Variants in AFAP1 observed in about 807,000 individuals in gnomAD.
The protein encoded by AFAP1 is actin filament associated protein 1.
AFAP1 carries 75 observed loss-of-function variants against 93.9 expected under a neutral mutation model. The observed-to-expected ratio is 0.80, with a 90% CI of 0.66 to 0.97. The LOEUF (loss-of-function observed/expected upper bound fraction) is 0.97. AFAP1 is among the 50% of genes least tolerant of loss of function. AFAP1 has a pLI of 0.00. For missense variants in AFAP1, 1,201 were observed against 1,050.8 expected (o/e 1.14, Z -1.98); for synonymous variants, 517 against 430.7 (o/e 1.20, Z -2.48).
At chr4:7,833,246 A>C (rs1183234870) in intron 6 of AFAP1, among the ~76,000 whole-genome samples, 1 of 152,216 alleles carries the variant, frequency 6.6e-6, no homozygotes, top group Non-Finnish European at 1.5e-5. Flanking sequence ...TTCACAATCT[A>C]TATATCCCAC....
rs906682281 is a variant in AFAP1, at chr4:7,771,380, T to C, written c.2253+1440A>G. Among the ~76,000 whole-genome samples the C allele has an allele frequency of 5.9e-5, 9 of 152,232 alleles. No individual in the cohort carries two copies. In the East Asian group the frequency reaches 1.7e-3, roughly 29 times the overall value. ...CACACACACACCTTTACATATTAAA[T>C]AGTATGTATCGTATAAATATATAAT... is the stretch of plus-strand genomic sequence containing the variant. On this transcript the variant is annotated intron_variant, in intron 16 of 17. Coordinates refer to ENST00000420658, the MANE Select transcript of AFAP1 (RefSeq NM_001134647.2).
Position 7,779,344 on chromosome 4 carries a change from C to A in AFAP1, c.1783-468G>T, listed in dbSNP as rs73084405. Among the ~76,000 whole-genome samples the A allele has an allele frequency of 8.4e-4, 128 of 152,314 alleles. 1 individual carries two copies. Among genetic ancestry groups the A allele is most frequent in the African/African-American group, 2.9e-3 (122 of 41,572 alleles). On this transcript the variant is annotated intron_variant, in intron 13 of 17. Coordinates refer to ENST00000420658, the MANE Select transcript of AFAP1 (RefSeq NM_001134647.2). ...GTGACATCCTACTGGGATAAGTGAC[C>A]GCCTTCTTATCGCCGACGGAGTCCG... is the stretch of plus-strand genomic sequence containing the variant.
chr4:7,783,867 C>CT (rs1717015187), intron 12 of AFAP1, among the ~76,000 whole-genome samples: 1 of 152,144 alleles, frequency 6.6e-6, no homozygotes, highest in Non-Finnish European at 1.5e-5. Flanking sequence ...GTGAAAGGGT[C>CT]TTTGGGGGGG....
chr4:7,778,939 T>G (rs947040908), intron 13 of AFAP1, 63 bp from the exon 14 acceptor site: 9 of 1,284,158 alleles, frequency 7.0e-6, no homozygotes, highest in Non-Finnish European at 8.7e-6. Flanking sequence ...TCTTGGTCTT[T>G]TTTTTTTCTG....
At chr4:7,831,296 G>C (rs532807905) in intron 6 of AFAP1, among the ~76,000 whole-genome samples, 64 of 149,860 alleles carry the variant, frequency 4.3e-4, no homozygotes, top group Non-Finnish European at 8.1e-4. Flanking sequence ...TAACATCACA[G>C]ACATGAAAAA....
chr4:7,909,138 T>C (rs1719587313), intron 1 of AFAP1, among the ~76,000 whole-genome samples: 1 of 152,228 alleles, frequency 6.6e-6, no homozygotes, highest in South Asian at 2.1e-4. Flanking sequence ...AATATGATGA[T>C]GGTGGTGTCA....
Position 7,762,179 on chromosome 4 carries a change from T to C in AFAP1, c.*1586A>G, listed in dbSNP as rs1003510834. 3 of 152,256 alleles carry C rather than the reference T, an allele frequency of 2.0e-5. No homozygotes were observed. The highest frequency in any genetic ancestry group is 6.5e-5 in the Admixed American group (1 of 15,292). 9.4% of individuals were successfully genotyped at this position (152,256 alleles called of 1,614,324 possible). ...TTGCAGGCCTCAAGCGCCACCACCT[T>C]AAACATGAATCCTAACTGTAAAGTC... On this transcript the variant is annotated 3_prime_UTR_variant, in exon 18 of 18. Transcript: ENST00000420658.
At chr4:7,819,630 A>G (rs773285766) in intron 6 of AFAP1, among the ~76,000 whole-genome samples, 7 of 152,234 alleles carry the variant, frequency 4.6e-5, no homozygotes, top group Non-Finnish European at 7.3e-5. Flanking sequence ...CAGCAGGAAC[A>G]GCTGGTGAAA....
At chr4:7,810,791 G>A (rs1304821535) in intron 8 of AFAP1, among the ~76,000 whole-genome samples, 2 of 152,180 alleles carry the variant, frequency 1.3e-5, no homozygotes, top group Non-Finnish European at 2.9e-5. Flanking sequence ...CCATGCAGAC[G>A]GGCCGGTGAG....
chr4:7,781,563 T>C lies in AFAP1; in HGVS notation c.1595A>G (p.Asp532Gly), dbSNP rs1384043702. 4 of 1,551,826 alleles carry C rather than the reference T, an allele frequency of 2.6e-6. No individual in the cohort carries two copies. The highest frequency in any genetic ancestry group is 2.6e-6 in the Non-Finnish European group (3 of 1,147,058). The change falls in exon 13 of 18, where the codon GAT (aspartate) becomes GGT (glycine). Residue 532 changes from aspartate to glycine, a missense_variant. Coordinates refer to ENST00000420658, the MANE Select transcript of AFAP1 (RefSeq NM_001134647.2). ...SRGLGEEVLY[D>G]NAGLYDNLPP... is the part of the protein sequence containing the mutation. Reference sequence around the variant, plus strand: ...CAAGTTATCGTACAGGCCTGCGTTATCATAAAGCACCTCTTCTCCCAAGCC... The same window carrying C: ...CAAGTTATCGTACAGGCCTGCGTTACCATAAAGCACCTCTTCTCCCAAGCC...
chr4:7,799,318 T>G, intron 10 of AFAP1, among the ~76,000 whole-genome samples: 1 of 149,748 alleles, frequency 6.7e-6, no homozygotes, highest in East Asian at 2.3e-4. Context: ...GTTCATCTAT[T>G]TTTCATCCCC....
intron 1 of AFAP1, among the ~76,000 whole-genome samples, chr4:7,884,777 G>T (rs1378227473): frequency 1.3e-5 from 2 of 152,180 alleles, no homozygotes; most frequent in African/African-American, 2.4e-5. Flanking sequence ...TGTGGAAAAA[G>T]ATTTTCTAAT....
chr4:7,857,745 T>C (rs1170326331), intron 3 of AFAP1, among the ~76,000 whole-genome samples: 1 of 152,188 alleles, frequency 6.6e-6, no homozygotes, highest in Non-Finnish European at 1.5e-5. Context: ...TTTAGCATGG[T>C]CAAACAAACT....
rs376668262 is a variant in AFAP1, at chr4:7,774,804, C to T, written c.1997G>A (p.Arg666Gln). The T allele has an allele frequency of 2.4e-5, 39 of 1,614,074 alleles. No individual in the cohort carries two copies. Among genetic ancestry groups the T allele is most frequent in the South Asian group, 2.2e-5 (2 of 91,084 alleles). The change falls in exon 15 of 18, where the codon CGG becomes CAG. Residue 666 changes from arginine (R) to glutamine (Q), a missense_variant. Physicochemically the swap from Arg to Gln is conservative, Grantham distance 43. Coordinates refer to ENST00000420658, the MANE Select transcript of AFAP1 (RefSeq NM_001134647.2). ...EELLKRKEALRNRLAQLRKER... is the reference protein window; with the variant it reads ...EELLKRKEALQNRLAQLRKER... ...CTTGCGGAGCTGGGCCAGCCTATTC[C>T]GCAGGGCCTCTTTCCTCTTCAGCAG... is the stretch of plus-strand genomic sequence containing the variant.
At chr4:7,879,425 G>A (rs757841624) in intron 1 of AFAP1, among the ~76,000 whole-genome samples, 7 of 152,002 alleles carry the variant, frequency 4.6e-5, no homozygotes, top group Admixed American at 2.6e-4. Context: ...CCCCAGCCCC[G>A]ACACCTGCTG....
At chr4:7,928,614 C>G (rs1429437982) in intron 1 of AFAP1, among the ~76,000 whole-genome samples, 3 of 152,200 alleles carry the variant, frequency 2.0e-5, no homozygotes, top group Non-Finnish European at 1.5e-5. Flanking sequence ...TCTCAAACTC[C>G]TGACCTCATG....
chr4:7,766,752 T>C lies in AFAP1; in HGVS notation c.2418+2092A>G, dbSNP rs745957007. Among the ~76,000 whole-genome samples, 144 of 152,050 alleles carry C rather than the reference T, an allele frequency of 9.5e-4. 4 individuals are homozygous for C. Among genetic ancestry groups the C allele is most frequent in the Non-Finnish European group, 3.7e-4 (25 of 68,010 alleles). On this transcript the variant is annotated intron_variant, in intron 17 of 17. Coordinates refer to ENST00000420658, the MANE Select transcript of AFAP1 (RefSeq NM_001134647.2). ...CAGAGCCACAGTTTCCATGCCTGGATGGCCCTTGGCACACGGCCTGCCCAG... is the reference window on the plus strand; with the variant it reads ...CAGAGCCACAGTTTCCATGCCTGGACGGCCCTTGGCACACGGCCTGCCCAG...
At chr4:7,869,635 A>G (rs978923930) in intron 2 of AFAP1, among the ~76,000 whole-genome samples, 3 of 152,182 alleles carry the variant, frequency 2.0e-5, no homozygotes, top group Non-Finnish European at 2.9e-5. Context: ...TAATTTGGGC[A>G]CAGTACTATT....
intron 4 of AFAP1, among the ~76,000 whole-genome samples, chr4:7,848,351 A>G (rs902169685): frequency 5.9e-5 from 9 of 152,134 alleles, no homozygotes; most frequent in African/African-American, 2.2e-4. Flanking sequence ...AGACCCTGGG[A>G]TGCGCAAAGC....
Sources: gnomAD v4.1 joint callset for allele counts (sites outside exome capture counted in the v4.1 genomes callset) on GRCh38, gnomAD v4.1.1 for gene constraint, MANE v1.5 for transcripts, NCBI Gene and HGNC (gene_info 2026-07-23, HGNC 2026-07-21) for gene names.